Variants in RPGRIP1 observed in about 807,000 individuals in gnomAD.
RPGRIP1 encodes the protein X-linked retinitis pigmentosa GTPase regulator-interacting protein 1.
Under a neutral mutation model 157.9 loss-of-function variants are expected in RPGRIP1, and 128 were observed. That is an observed-to-expected ratio of 0.81 (90% CI 0.70 to 0.94). The LOEUF (loss-of-function observed/expected upper bound fraction) is 0.94. Ranked by LOEUF, RPGRIP1 falls within the 40% of genes least tolerant of loss-of-function variation. The probability of loss-of-function intolerance (pLI) is 0.00; values close to 1 mark genes in which losing one functional copy is unlikely to be tolerated. For missense variants in RPGRIP1, 1,486 were observed against 1,545.8 expected, an observed-to-expected ratio of 0.96 and a Z score of 0.65; for synonymous variants, 554 against 571.6, an observed-to-expected ratio of 0.97 and a Z score of 0.44.
chr14:21,317,820 A>C lies in RPGRIP1; in HGVS notation c.1276A>C (p.Lys426Gln), dbSNP rs753779369. 6 of 1,606,750 alleles carry C rather than the reference A, an allele frequency of 3.7e-6. No individual in the cohort carries two copies. The highest frequency in any genetic ancestry group is 4.2e-6 in the Non-Finnish European group (5 of 1,176,648). The part of the protein sequence containing the change: ...QLDAELEDKR[K>Q]VLLELSREKA... Reference sequence around the variant, plus strand: ...GGATGCTGAGCTGGAGGACAAGAGAAAAGTTTTACTTGAGCTGTCCAGGGA... The same window carrying C: ...GGATGCTGAGCTGGAGGACAAGAGACAAGTTTTACTTGAGCTGTCCAGGGA... Residue 426 changes from lysine to glutamine, a missense_variant, in exon 11 of 25, where the codon AAA (lysine) becomes CAA (glutamine). Transcript: ENST00000400017.
intron 8 of RPGRIP1, 54 bp downstream of exon 8, chr14:21,310,661 A>C: frequency 2.9e-6 from 3 of 1,035,832 alleles, no homozygotes; most frequent in Non-Finnish European, 4.3e-6. Context: ...AATCAAACCC[A>C]AAGAAATCTA....
At chr14:21,312,409 C>T in intron 9 of RPGRIP1, 24 bp from the exon 10 acceptor site, 2 of 1,551,806 alleles carry the variant, frequency 1.3e-6, no homozygotes, top group African/African-American at 1.4e-5. Context: ...AACATTTTAT[C>T]TCAAGGGCTA....
chr14:21,304,852 A>T (rs937815973), intron 6 of RPGRIP1, among the ~76,000 whole-genome samples: 1 of 150,680 alleles, frequency 6.6e-6, no homozygotes, highest in Non-Finnish European at 1.5e-5. Flanking sequence ...CCCAGGCTGG[A>T]GGGCAGTGGC....
chr14:21,305,412 T>C (rs944660089), intron 6 of RPGRIP1, among the ~76,000 whole-genome samples: 5 of 152,242 alleles, frequency 3.3e-5, no homozygotes, highest in Non-Finnish European at 5.9e-5. Flanking sequence ...CCAAATAACA[T>C]TCGATTGTCT....
In RPGRIP1 at chr14:21,321,262, A is replaced by C. The variant is rs1372655509; in HGVS notation, c.1471A>C (p.Ser491Arg). The change falls in exon 13 of 25, where the codon AGT becomes CGT. Residue 491 changes from serine to arginine, a missense_variant. Ser to Arg is a moderately radical substitution (Grantham distance 110, BLOSUM62 -1). Coordinates refer to ENST00000400017, the MANE Select transcript of RPGRIP1 (RefSeq NM_020366.4). ...ACCAATGCGTTTCCCTCTACAGCCA[A>C]GTGAACCCAAAAACCAAGAAGAAAA... is the stretch of plus-strand genomic sequence containing the variant. ...VLQENTQIEP[S>R]EPKNQEEKKL... is the part of the protein sequence containing the mutation. 6 of 1,612,652 alleles carry C rather than the reference A, an allele frequency of 3.7e-6. No homozygotes were observed. The highest frequency in any genetic ancestry group is 5.1e-6 in the Non-Finnish European group (6 of 1,179,528).
chr14:21,323,119 T>G (rs1408352682), intron 14 of RPGRIP1, among the ~76,000 whole-genome samples: 1 of 152,026 alleles, frequency 6.6e-6, no homozygotes, highest in Non-Finnish European at 1.5e-5. Context: ...TTAGTGAGCA[T>G]GGAATAGAAT....
intron 2 of RPGRIP1, among the ~76,000 whole-genome samples, chr14:21,290,539 C>T (rs572619416): frequency 9.6e-4 from 146 of 151,954 alleles, no homozygotes; most frequent in African/African-American, 3.4e-3. Flanking sequence ...AGGCCGGGCA[C>T]GGTGGCTCAT....
chr14:21,302,507 C>A lies in RPGRIP1; in HGVS notation c.510C>A (p.Ser170Arg), dbSNP rs575192944. 13 of 1,575,048 alleles carry A rather than the reference C, an allele frequency of 8.3e-6. No homozygotes were observed. In the East Asian group the frequency reaches 3.0e-4, roughly 36 times the overall value. ...TTTTAGGGCCAAGGGACAGGCTGAG[C>A]TACACAGCCCCTCCATCGTTTAAGG... ...KPKRGPRDRLSYTAPPSFKEH... is the reference protein window; with the variant it reads ...KPKRGPRDRLRYTAPPSFKEH... The change falls in exon 5 of 25, where the codon AGC becomes AGA. Residue 170 changes from serine (S) to arginine (R), a missense_variant. By Grantham distance (110) the Ser-to-Arg change is moderately radical. Coordinates refer to ENST00000400017, the MANE Select transcript of RPGRIP1 (RefSeq NM_020366.4).
intron 1 of RPGRIP1, among the ~76,000 whole-genome samples, chr14:21,281,130 G>A (rs1233595816): frequency 6.6e-6 from 1 of 151,318 alleles, no homozygotes; most frequent in South Asian, 2.1e-4. Context: ...CAATTCTCCT[G>A]CCTCAACCTC....
rs1285254175 is a variant in RPGRIP1, at chr14:21,321,967, G to A, written c.1725G>A (p.Leu575=). The A allele has an allele frequency of 1.9e-6, 3 of 1,613,578 alleles. No individual in the cohort carries two copies. In the African/African-American group the frequency reaches 4.0e-5, roughly 22 times the overall value. ...LDLKNNRIKQ[L]EGILRSHDLP... ...TCAAGAATAACCGTATCAAGCAGCTGGAAGGTATTTTAAGAAGCCATGACC... is the reference window on the plus strand; with the variant it reads ...TCAAGAATAACCGTATCAAGCAGCTAGAAGGTATTTTAAGAAGCCATGACC... Residue 575 remains leucine, a synonymous_variant, in exon 14 of 25, where the codon CTG becomes CTA. Coordinates refer to ENST00000400017, the MANE Select transcript of RPGRIP1 (RefSeq NM_020366.4).
At chr14:21,341,088 C>T (rs1884954287) in intron 21 of RPGRIP1, among the ~76,000 whole-genome samples, 1 of 152,082 alleles carries the variant, frequency 6.6e-6, no homozygotes, top group South Asian at 2.1e-4. Flanking sequence ...CTCTGTTGCC[C>T]AGGCTGGAGT....
intron 7 of RPGRIP1, 90 bp from the exon 8 acceptor site, chr14:21,310,494 G>A: frequency 1.5e-6 from 1 of 668,894 alleles, no homozygotes; most frequent in Non-Finnish European, 2.5e-6. Context: ...TTTTTATAAT[G>A]TCTTTAAAAA....
At chr14:21,330,620 T>C (rs1020900996) in intron 20 of RPGRIP1, among the ~76,000 whole-genome samples, 1 of 151,902 alleles carries the variant, frequency 6.6e-6, no homozygotes, top group African/African-American at 2.4e-5. Context: ...GAGCCGAGAT[T>C]GCACCACTGC....
intron 22 of RPGRIP1, among the ~76,000 whole-genome samples, chr14:21,344,037 T>G: frequency 6.6e-6 from 1 of 151,962 alleles, no homozygotes; most frequent in East Asian, 1.9e-4. Context: ...GAGTAACATT[T>G]CTATTGCAAT....
At chr14:21,303,572 C>T (rs769799600) in intron 6 of RPGRIP1, 29 bp downstream of exon 6, 1 of 1,510,302 alleles carries the variant, frequency 6.6e-7, no homozygotes, top group African/African-American at 1.4e-5. Flanking sequence ...ATGCCTCAAA[C>T]CAAAACGAAC....
chr14:21,312,349 G>A (rs370820376), intron 9 of RPGRIP1, 84 bp from the exon 10 acceptor site: 4 of 867,538 alleles, frequency 4.6e-6, no homozygotes, highest in Non-Finnish European at 7.1e-6. Flanking sequence ...TCTCACCCAC[G>A]CCCCTCCCTG....
chr14:21,292,533 C>A (rs1880576163), intron 2 of RPGRIP1, among the ~76,000 whole-genome samples: 1 of 151,648 alleles, frequency 6.6e-6, no homozygotes, highest in African/African-American at 2.4e-5. Flanking sequence ...ATGGTGAGAC[C>A]TTGTCACTAT....
chr14:21,336,577 C>G (rs904109015), intron 21 of RPGRIP1, among the ~76,000 whole-genome samples: 7 of 152,124 alleles, frequency 4.6e-5, no homozygotes, highest in Non-Finnish European at 8.8e-5. Flanking sequence ...TTCTCTTTGT[C>G]TGAACTTTTA....
At chr14:21,313,206 T>C (rs905944410) in intron 10 of RPGRIP1, among the ~76,000 whole-genome samples, 1 of 151,750 alleles carries the variant, frequency 6.6e-6, no homozygotes, top group African/African-American at 2.4e-5. Context: ...AATATATGTA[T>C]ATAATAAGAA....
Sources: gnomAD v4.1 joint callset for allele counts (sites outside exome capture counted in the v4.1 genomes callset) on GRCh38, gnomAD v4.1.1 for gene constraint, MANE v1.5 for transcripts, NCBI Gene and HGNC (gene_info 2026-07-23, HGNC 2026-07-21) for gene names.